Variants in ARID4B observed in about 807,000 individuals in gnomAD.
ARID4B encodes AT-rich interactive domain-containing protein 4B.
ARID4B carries 26 observed loss-of-function variants against 147.5 expected under a neutral mutation model. The observed-to-expected ratio is 0.18, with a 90% CI of 0.13 to 0.24. The LOEUF (loss-of-function observed/expected upper bound fraction) is 0.24. Ranked by LOEUF, ARID4B falls within the 10% of genes least tolerant of loss-of-function variation. The pLI is 1.00. For synonymous variants in ARID4B, 512 were observed against 507.9 expected (o/e 1.01, Z -0.11); for missense variants, 1,179 against 1,511.5 (o/e 0.78, Z 3.65).
chr1:235,257,129 C>T (rs762611865), intron 4 of ARID4B, 31 bp downstream of exon 4: 1 of 1,483,372 alleles, frequency 6.7e-7, no homozygotes, highest in Non-Finnish European at 9.4e-7. Context: ...CCCAAACAAC[C>T]ATTAGAATTA....
chr1:235,327,048 C>G (rs1428537779), intron 1 of ARID4B, 80 bp from the exon 2 acceptor site: 22 of 993,604 alleles, frequency 2.2e-5, no homozygotes, highest in Admixed American at 8.5e-5. Context: ...AAGAAGCGAG[C>G]GACGTCCGAA....
chr1:235,266,892 T>C (rs1451034036), intron 2 of ARID4B, among the ~76,000 whole-genome samples: 4 of 152,206 alleles, frequency 2.6e-5, no homozygotes, highest in Admixed American at 6.5e-5. Flanking sequence ...TTTATTGAGG[T>C]AGTTTATTTT....
rs1395358154 is a variant in ARID4B, at chr1:235,227,824, TCTG to T, written c.897+1404_897+1406del. Among the ~76,000 whole-genome samples the T allele has an allele frequency of 4.0e-5, 6 of 150,250 alleles. No homozygotes were observed. In the South Asian group the frequency reaches 6.2e-4, roughly 16 times the overall value. ...TCAAAGAGATATTGATCTTTACTTT[TCTG>T]CTATTTTTTTTTTTTTTTTTTTTGA... is the stretch of plus-strand genomic sequence containing the variant. On this transcript the variant is annotated intron_variant, in intron 11 of 23. Transcript: ENST00000264183.
rs189627830 is a variant in ARID4B, at chr1:235,240,231, T to C, written c.585+82A>G. 25 of 1,267,980 alleles carry C rather than the reference T, an allele frequency of 2.0e-5. No homozygotes were observed. The African/African-American group carries it at 3.3e-4, about 17-fold the overall frequency. 78.5% of individuals were successfully genotyped at this position (1,267,980 alleles called of 1,614,324 possible). ...AAAACATTTCCTCATTTTGTACCTA[T>C]GAAAAACATTAGTAAGAAAATTGTT... On this transcript the variant is annotated intron_variant, in intron 8 of 23. Transcript: ENST00000264183.
At chr1:235,240,250 A>G in intron 8 of ARID4B, 63 bp downstream of exon 8, 1 of 1,429,584 alleles carries the variant, frequency 7.0e-7, no homozygotes, top group Non-Finnish European at 9.5e-7. Context: ...TTAGTAAGAA[A>G]ATTGTTTTCT....
intron 2 of ARID4B, among the ~76,000 whole-genome samples, chr1:235,268,418 C>T (rs539283928): frequency 2.0e-5 from 3 of 152,046 alleles, no homozygotes; most frequent in South Asian, 4.2e-4. Context: ...TCTAGGTGTG[C>T]GTGTGTGTCC....
intron 19 of ARID4B, among the ~76,000 whole-genome samples, chr1:235,188,961 G>C (rs977380560): frequency 7.9e-5 from 12 of 152,002 alleles, no homozygotes; most frequent in Admixed American, 5.9e-4. Flanking sequence ...GCAAATTAGA[G>C]GTAACTGAAA....
chr1:235,214,986 C>A (rs1275119747), intron 16 of ARID4B, among the ~76,000 whole-genome samples: 1 of 151,862 alleles, frequency 6.6e-6, no homozygotes, highest in African/African-American at 2.4e-5. Flanking sequence ...GGATTACAGG[C>A]ACCCACCACC....
At chr1:235,170,910 C>CAAAAAAAAAAAAAAAAAA (rs1164420998) in intron 23 of ARID4B, among the ~76,000 whole-genome samples, 1 of 61,448 alleles carries the variant, frequency 1.6e-5, no homozygotes, top group African/African-American at 5.4e-5. Context: ...GACTCCGTCT[C>CAAAAAAAAAAAAAAAAAA]AAAAAAAAAA....
chr1:235,265,881 C>T (rs935693252), intron 2 of ARID4B, among the ~76,000 whole-genome samples: 3 of 151,806 alleles, frequency 2.0e-5, no homozygotes, highest in Non-Finnish European at 4.4e-5. Context: ...AGAAGAGGGC[C>T]CAGCACACAT....
intron 23 of ARID4B, among the ~76,000 whole-genome samples, chr1:235,172,196 A>G (rs1032156716): frequency 1.3e-5 from 2 of 152,244 alleles, no homozygotes; most frequent in Non-Finnish European, 2.9e-5. Flanking sequence ...AAAATAAGAT[A>G]AAGAAATTAA....
intron 11 of ARID4B, 59 bp from the exon 12 acceptor site, chr1:235,224,834 C>A: frequency 8.3e-7 from 1 of 1,212,100 alleles, no homozygotes; most frequent in Non-Finnish European, 1.2e-6. Context: ...ATAAAACAAG[C>A]AGATTTCTTA....
chr1:235,302,374 G>A (rs1413728842), intron 2 of ARID4B, among the ~76,000 whole-genome samples: 4 of 151,120 alleles, frequency 2.6e-5, no homozygotes, highest in Non-Finnish European at 5.9e-5. Context: ...GGGACAGAAA[G>A]ACAGAAAGAA....
chr1:235,316,744 G>A (rs1436131650), intron 2 of ARID4B, among the ~76,000 whole-genome samples: 7 of 148,886 alleles, frequency 4.7e-5, no homozygotes, highest in African/African-American at 9.9e-5. Context: ...GTTTGAATCC[G>A]GGAGCCGAGT....
chr1:235,254,057 T>C (rs1424603922), intron 5 of ARID4B, among the ~76,000 whole-genome samples: 1 of 152,186 alleles, frequency 6.6e-6, no homozygotes, highest in Non-Finnish European at 1.5e-5. Flanking sequence ...AACTAAAATA[T>C]ACAACATAAG....
At chr1:235,201,614 G>A (rs1278783901) in intron 17 of ARID4B, among the ~76,000 whole-genome samples, 5 of 152,142 alleles carry the variant, frequency 3.3e-5, no homozygotes, top group Non-Finnish European at 5.9e-5. Flanking sequence ...GTGAGCCACC[G>A]CATCTGGCGG....
At chr1:235,326,893 G>C in intron 2 of ARID4B, 21 bp downstream of exon 2, 1 of 1,613,888 alleles carries the variant, frequency 6.2e-7, no homozygotes, top group Non-Finnish European at 8.5e-7. Context: ...CCAGAGATTC[G>C]TTTTCCGCAG....
intron 2 of ARID4B, among the ~76,000 whole-genome samples, chr1:235,309,820 TCTGTA>T (rs756205206): frequency 5.3e-5 from 8 of 152,216 alleles, no homozygotes; most frequent in African/African-American, 1.2e-4. Flanking sequence ...TTCCTTTTGT[TCTGTA>T]CTAAGAAAAA....
At chr1:235,258,760 A>G (rs1205773705) in intron 3 of ARID4B, among the ~76,000 whole-genome samples, 1 of 152,250 alleles carries the variant, frequency 6.6e-6, no homozygotes, top group Non-Finnish European at 1.5e-5. Context: ...GTCATACAAA[A>G]GCATTATCAC....
Sources: gnomAD v4.1 joint callset for allele counts (sites outside exome capture counted in the v4.1 genomes callset) on GRCh38, gnomAD v4.1.1 for gene constraint, MANE v1.5 for transcripts, NCBI Gene and HGNC (gene_info 2026-07-23, HGNC 2026-07-21) for gene names.